HRH2: variants seen among roughly 807,000 people sequenced by gnomAD.
HRH2 encodes histamine H2 receptor.
HRH2 carries 4 observed loss-of-function variants against 20.1 expected under a neutral mutation model. That is an observed-to-expected ratio of 0.20 (90% CI 0.10 to 0.45). The LOEUF (loss-of-function observed/expected upper bound fraction) is 0.45. HRH2 is among the 20% of genes least tolerant of loss of function. HRH2 has a pLI of 0.99. For missense variants in HRH2, 250 were observed against 461.6 expected, an observed-to-expected ratio of 0.54 and a Z score of 4.20; for synonymous variants, 197 against 200.7, an observed-to-expected ratio of 0.98 and a Z score of 0.16.
At chr5:175,669,286 T>G (rs1209635456) in intron 1 of HRH2, among the ~76,000 whole-genome samples, 4 of 152,152 alleles carry the variant, frequency 2.6e-5, no homozygotes, top group Non-Finnish European at 5.9e-5. Context: ...CCGTATAATA[T>G]TTTTTGTTCG....
At chr5:175,672,531 G>T (rs1366795643) in intron 1 of HRH2, among the ~76,000 whole-genome samples, 1 of 152,158 alleles carries the variant, frequency 6.6e-6, no homozygotes, top group African/African-American at 2.4e-5. Flanking sequence ...AGATTAAATG[G>T]GATAATGTAC....
intron 1 of HRH2, among the ~76,000 whole-genome samples, chr5:175,671,639 C>T (rs1246181353): frequency 6.6e-6 from 1 of 152,072 alleles, no homozygotes; most frequent in East Asian, 1.9e-4. Context: ...TACAAAGTGC[C>T]AGGTATAAAA....
intron 2 of HRH2, among the ~76,000 whole-genome samples, chr5:175,684,940 C>A (rs182124013): frequency 6.6e-6 from 1 of 152,222 alleles, no homozygotes; most frequent in Non-Finnish European, 1.5e-5. Context: ...GAAAGGGTAA[C>A]TTAAGCAGAT....
chr5:175,673,628 G>A (rs1034336044), intron 1 of HRH2, among the ~76,000 whole-genome samples: 13 of 151,948 alleles, frequency 8.6e-5, no homozygotes, highest in African/African-American at 2.7e-4. Flanking sequence ...CATGGTGAAG[G>A]TACTGAATGC....
At position 175,683,310 on chromosome 5, in the gene HRH2, C is replaced by T. The variant is rs766184951; in HGVS notation, c.77C>T (p.Ala26Val). Reference protein sequence around the residue: ...ACKITITVVLAVLILITVAGN... With the variant: ...ACKITITVVLVVLILITVAGN... ...AAGATCACCATCACCGTGGTCCTTG[C>T]GGTCCTCATCCTCATCACCGTTGCT... The change falls in exon 2 of 3, where the codon GCG becomes GTG. Residue 26 changes from alanine (A) to valine (V), a missense_variant. Transcript: ENST00000636584. The T allele has an allele frequency of 8.1e-6, 13 of 1,614,166 alleles. No homozygotes were observed. The highest frequency in any genetic ancestry group is 1.1e-5 in the South Asian group (1 of 91,076).
intron 2 of HRH2, among the ~76,000 whole-genome samples, chr5:175,699,634 C>T (rs1014265272): frequency 3.9e-5 from 6 of 152,154 alleles, no homozygotes; most frequent in African/African-American, 1.2e-4. Flanking sequence ...AGTGCAGTGG[C>T]GTGACCTCGG....
Position 175,667,838 on chromosome 5 carries a change from G to A in HRH2, c.-526+9683G>A, listed in dbSNP as rs1187094570. ...ATACAGTTATACCTACAGTTGTTCTGTATATTTCTAATTGGGCAGAGTGAG... is the reference window on the plus strand; with the variant it reads ...ATACAGTTATACCTACAGTTGTTCTATATATTTCTAATTGGGCAGAGTGAG... On this transcript the variant is annotated intron_variant, in intron 1 of 2. Coordinates refer to ENST00000636584, the MANE Select transcript of HRH2 (RefSeq NM_001367711.1). 2.0e-5 allele frequency among the ~76,000 whole-genome samples: 3 copies of A among 152,146 alleles called. No homozygotes were observed. In the East Asian group the frequency reaches 5.8e-4, roughly 29 times the overall value.
intron 1 of HRH2, among the ~76,000 whole-genome samples, chr5:175,671,932 G>A (rs79723149): frequency 0.018 from 2,727 of 152,184 alleles, 81 homozygotes; most frequent in African/African-American, 0.062. Flanking sequence ...AGGTGGGCAA[G>A]GAGAGCCGGG....
rs1756035481 is a variant in HRH2 at position 175,682,917 on chromosome 5, G to C, written c.-317G>C. 3 of 298,670 alleles carry C rather than the reference G, an allele frequency of 1.0e-5. No homozygotes were observed. In the Admixed American group the frequency reaches 1.4e-4, roughly 14 times the overall value. The allele number at this position is 298,670 out of a possible 1,614,324, so 18.5% of individuals were successfully genotyped here. A position where few individuals can be genotyped will look rare whatever the true frequency, so the allele number is the denominator to read the frequency against. ...CTACCCCAGCCCCGGGAGGAAGCTA[G>C]CTCTTCAGGGGACCGTCTGAGGACT... On this transcript the variant is annotated 5_prime_UTR_variant, in exon 2 of 3. Coordinates refer to ENST00000636584, the MANE Select transcript of HRH2 (RefSeq NM_001367711.1).
chr5:175,672,974 A>C (rs1030436053), intron 1 of HRH2, among the ~76,000 whole-genome samples: 1 of 151,758 alleles, frequency 6.6e-6, no homozygotes, highest in Non-Finnish European at 1.5e-5. Flanking sequence ...TAGGGGGGCC[A>C]GTGTGCACCC....
In HRH2 at chr5:175,710,515, A is replaced by C. The variant is rs1477709959; in HGVS notation, c.*2544A>C. ...ACATGACCTCAAGTGAAAACAAACC[A>C]GTCTGGCTGTTCACAGACTCAGCTG... On this transcript the variant is annotated 3_prime_UTR_variant, in exon 3 of 3. Transcript: ENST00000636584. 6.6e-6 allele frequency: 1 copy of C among 152,252 alleles called. No individual in the cohort carries two copies. The highest frequency in any genetic ancestry group is 1.5e-5 in the Non-Finnish European group (1 of 68,054). 9.4% of individuals were successfully genotyped at this position (152,252 alleles called of 1,614,324 possible).
At chr5:175,684,891 C>A (rs772146973) in intron 2 of HRH2, among the ~76,000 whole-genome samples, 1 of 152,044 alleles carries the variant, frequency 6.6e-6, no homozygotes, top group Non-Finnish European at 1.5e-5. Flanking sequence ...GGGCATGATA[C>A]TGTAGATTTT....
chr5:175,673,353 CT>C (rs1755632428), intron 1 of HRH2, among the ~76,000 whole-genome samples: 1 of 151,428 alleles, frequency 6.6e-6, no homozygotes, highest in African/African-American at 2.4e-5. Context: ...AGTGTTTAGC[CT>C]GAGCAACCAG....
rs1368627355 is a variant in HRH2 at position 175,681,281 on chromosome 5, T to G, written c.-525-1428T>G. On this transcript the variant is annotated intron_variant, in intron 1 of 2. Coordinates refer to ENST00000636584, the MANE Select transcript of HRH2 (RefSeq NM_001367711.1). The surrounding 1 kb of genome is among the most constrained non-coding windows in gnomAD (Gnocchi z 4.3). ...AGCCAGGGAGCGTGGCAGAAGGTGA[T>G]CGGGAACCCTGATCCCTGCACGAAC... 1.3e-5 allele frequency among the ~76,000 whole-genome samples: 2 copies of G among 152,168 alleles called. No individual in the cohort carries two copies. Among genetic ancestry groups the G allele is most frequent in the Non-Finnish European group, 2.9e-5 (2 of 68,028 alleles).
intron 1 of HRH2, among the ~76,000 whole-genome samples, chr5:175,669,302 G>C (rs556311385): frequency 6.6e-6 from 1 of 151,648 alleles, no homozygotes; most frequent in Non-Finnish European, 1.5e-5. Context: ...GTTCGTTCAT[G>C]TGAATATTTT....
rs566521176 is a variant in HRH2 at position 175,709,089 on chromosome 5, C to T, written c.*1118C>T. The T allele has an allele frequency of 6.6e-6, 1 of 152,162 alleles. No individual in the cohort carries two copies. The highest frequency in any genetic ancestry group is 2.1e-4 in the South Asian group (1 of 4,818). 9.4% of individuals were successfully genotyped at this position (152,162 alleles called of 1,614,324 possible). On this transcript the variant is annotated 3_prime_UTR_variant, in exon 3 of 3. Transcript: ENST00000636584. Reference sequence around the variant, plus strand: ...CTCAAAGAGATAGGGTAGTGCCAGCCCCAGAGAGAGGGGGCTGTGGAGGGA... The same window carrying T: ...CTCAAAGAGATAGGGTAGTGCCAGCTCCAGAGAGAGGGGGCTGTGGAGGGA...
At chr5:175,659,465 C>T (rs1221923123) in intron 1 of HRH2, among the ~76,000 whole-genome samples, 1 of 152,076 alleles carries the variant, frequency 6.6e-6, no homozygotes, top group Non-Finnish European at 1.5e-5. Context: ...ATCTCGAGAA[C>T]CTGCTCCTTG....
rs1444238621 is a variant in HRH2 at position 175,681,574 on chromosome 5, G to T, written c.-525-1135G>T. 6.6e-6 allele frequency among the ~76,000 whole-genome samples: 1 copy of T among 152,216 alleles called. No individual in the cohort carries two copies. Among genetic ancestry groups the T allele is most frequent in the Non-Finnish European group, 1.5e-5 (1 of 68,034 alleles). ...GTTGGAATCATATACAGCCACCACT[G>T]GGAGGGAGCCTTGGAGATTACCTAG... On this transcript the variant is annotated intron_variant, in intron 1 of 2. Transcript: ENST00000636584. The surrounding 1 kb of genome is among the most constrained non-coding windows in gnomAD (Gnocchi z 4.3).
At chr5:175,678,549 G>A (rs1293670931) in intron 1 of HRH2, among the ~76,000 whole-genome samples, 5 of 152,228 alleles carry the variant, frequency 3.3e-5, no homozygotes, top group Non-Finnish European at 5.9e-5. Flanking sequence ...CCAAGTCCTT[G>A]CTTTCAGCCC....
Sources: allele counts gnomAD v4.1 joint callset (sites outside exome capture counted in the v4.1 genomes callset), GRCh38; gene constraint gnomAD v4.1.1; non-coding constraint Gnocchi (gnomAD v3.1); transcripts MANE v1.5; gene names NCBI Gene and HGNC (gene_info 2026-07-23, HGNC 2026-07-21).